The following FAM237A variants were observed in gnomAD, a reference collection of about 807,000 sequenced individuals.
The protein encoded by FAM237A is protein FAM237A.
FAM237A carries 14 observed loss-of-function variants against 12.5 expected under a neutral mutation model. That is an observed-to-expected ratio of 1.12 (90% confidence interval 0.74 to 1.75). The LOEUF is 1.75. Among genes scored for constraint, FAM237A ranks in the 40% most tolerant of loss-of-function variants. The pLI, the probability that FAM237A is intolerant of heterozygous loss-of-function variation, is 0.00. For synonymous variants in FAM237A, 85 were observed against 77.5 expected, an observed-to-expected ratio of 1.10 and a Z score of -0.51; for missense variants, 240 against 211.7, an observed-to-expected ratio of 1.13 and a Z score of -0.83.
At chr2:206,647,632 G>GACAGACAC (rs145061657) in intron 2 of FAM237A, among the ~76,000 whole-genome samples, 11 of 139,546 alleles carry the variant, frequency 7.9e-5, no homozygotes, top group Non-Finnish European at 1.5e-4. Flanking sequence ...GAGACACACA[G>GACAGACAC]ACACACACAC....
intron 1 of FAM237A, among the ~76,000 whole-genome samples, chr2:206,643,188 G>GT (rs1699275368): frequency 6.6e-6 from 1 of 152,158 alleles, no homozygotes; most frequent in East Asian, 1.9e-4. Flanking sequence ...CCCACAAGCT[G>GT]TATTTTGCTT....
In FAM237A at chr2:206,644,196, G is replaced by T. The variant is rs562181739; in HGVS notation, c.-10-31G>T. 10 of 1,531,200 alleles carry T rather than the reference G, an allele frequency of 6.5e-6. No individual in the cohort carries two copies. The East Asian group carries it at 2.0e-4, about 31-fold the overall frequency. 94.9% of individuals were successfully genotyped at this position (1,531,200 alleles called of 1,614,324 possible). A position where few individuals can be genotyped will look rare whatever the true frequency, so the allele number is the denominator to read the frequency against. On this transcript the variant is annotated intron_variant, in intron 1 of 2. Transcript: ENST00000441223. Reference sequence around the variant, plus strand: ...CTTTACTGAGCAGAGCACAAGCGGGGACTGATAAGAAATATTTCCATCCTG... The same window carrying T: ...CTTTACTGAGCAGAGCACAAGCGGGTACTGATAAGAAATATTTCCATCCTG...
rs886328581 is a variant in FAM237A at position 206,642,896 on chromosome 2, G to A, written c.-11+314G>A. On this transcript the variant is annotated intron_variant, in intron 1 of 2. Coordinates refer to ENST00000441223, the MANE Select transcript of FAM237A (RefSeq NM_001102659.3). The surrounding 1 kb of genome is among the most constrained non-coding windows in gnomAD (Gnocchi z 5.1). ...AACTTAGCTTAGACTTGTCCTTTAG[G>A]AAAACCACCCTTTGAGGTACCTCGA... is the stretch of plus-strand genomic sequence containing the variant. Among the ~76,000 whole-genome samples, 1 of 152,174 alleles carries A rather than the reference G, an allele frequency of 6.6e-6. No individual in the cohort carries two copies. The highest frequency in any genetic ancestry group is 1.5e-5 in the Non-Finnish European group (1 of 68,044).
intron 2 of FAM237A, among the ~76,000 whole-genome samples, chr2:206,645,733 C>T (rs1463527508): frequency 6.6e-6 from 1 of 152,072 alleles, no homozygotes; most frequent in African/African-American, 2.4e-5. Context: ...ATCCAAAAAA[C>T]CCAGATAATT....
In FAM237A at chr2:206,648,786, A is replaced by G; in HGVS notation, c.538A>G (p.Arg180Gly). ...TGGAAAAGTGAACCTGGAAATAAAGAGAAAATAAATTGAACTCGGAGCTAA... is the reference window on the plus strand; with the variant it reads ...TGGAAAAGTGAACCTGGAAATAAAGGGAAAATAAATTGAACTCGGAGCTAA... ...VIGKVNLEIKRK is the reference protein window; with the variant it reads ...VIGKVNLEIKGK Residue 180 changes from arginine to glycine, a missense_variant, in exon 3 of 3, where the codon AGA (arginine) becomes GGA (glycine). Physicochemically the swap from Arg to Gly is moderately radical, Grantham distance 125. Transcript: ENST00000441223. 6.5e-7 allele frequency: 1 copy of G among 1,534,552 alleles called. No homozygotes were observed. Among genetic ancestry groups the G allele is most frequent in the Non-Finnish European group, 8.8e-7 (1 of 1,139,484 alleles).
rs1699357354 is a variant in FAM237A at position 206,649,272 on chromosome 2, A to G, written c.*478A>G. Among the ~76,000 whole-genome samples the G allele has an allele frequency of 6.6e-6, 1 of 152,176 alleles. No homozygotes were observed. Among genetic ancestry groups the G allele is most frequent in the Non-Finnish European group, 1.5e-5 (1 of 67,996 alleles). Reference sequence around the variant, plus strand: ...ATCTTGTTTGACAGCATATTTTTGAATACTGAATGAAGCAAAAAGTAAAAC... The same window carrying G: ...ATCTTGTTTGACAGCATATTTTTGAGTACTGAATGAAGCAAAAAGTAAAAC... On this transcript the variant is annotated 3_prime_UTR_variant, in exon 3 of 3. Transcript: ENST00000441223.
intron 2 of FAM237A, among the ~76,000 whole-genome samples, chr2:206,645,695 A>G (rs1408781983): frequency 6.6e-6 from 1 of 152,200 alleles, no homozygotes; most frequent in East Asian, 1.9e-4. Flanking sequence ...TTTTAACCTT[A>G]GTAATTAAAA....
intron 2 of FAM237A, 55 bp downstream of exon 2, chr2:206,644,703 C>A: frequency 6.9e-7 from 1 of 1,455,688 alleles, no homozygotes; most frequent in South Asian, 1.5e-5. Flanking sequence ...TATGAATGTG[C>A]TGAATTGTGA....
At chr2:206,645,723 A>T (rs1699309203) in intron 2 of FAM237A, among the ~76,000 whole-genome samples, 6 of 152,186 alleles carry the variant, frequency 3.9e-5, no homozygotes, top group Admixed American at 3.9e-4. Flanking sequence ...TGATTTGCTA[A>T]TCCAAAAAAC....
At position 206,644,537 on chromosome 2, in the gene FAM237A, A is replaced by G. The variant is rs761904068; in HGVS notation, c.301A>G (p.Ile101Val). ...GGATCTGGCCCAACTCTTCTGGGACATCTATGTGGACTGTGTGCTCTCTAG... is the reference window on the plus strand; with the variant it reads ...GGATCTGGCCCAACTCTTCTGGGACGTCTATGTGGACTGTGTGCTCTCTAG... ...FWDLAQLFWD[I>V]YVDCVLSRNH... is the part of the protein sequence containing the mutation. The change falls in exon 2 of 3, where the codon ATC becomes GTC. Residue 101 changes from isoleucine (I) to valine (V), a missense_variant. Ile to Val is a conservative substitution (Grantham distance 29, BLOSUM62 3). Transcript: ENST00000441223. The G allele has an allele frequency of 5.6e-6, 9 of 1,614,046 alleles. No homozygotes were observed. The highest frequency in any genetic ancestry group is 5.5e-5 in the South Asian group (5 of 91,078).
rs542526479 is a variant in FAM237A, at chr2:206,649,101, T to G, written c.*307T>G. On this transcript the variant is annotated 3_prime_UTR_variant, in exon 3 of 3. Coordinates refer to ENST00000441223, the MANE Select transcript of FAM237A (RefSeq NM_001102659.3). The stretch of plus-strand genomic sequence containing the variant: ...ATTTAATAGTTCATTTTGGGATGCT[T>G]GACATGTTAATAAACTAGTGTGCCA... 1 of 162,480 alleles carries G rather than the reference T, an allele frequency of 6.2e-6. No individual in the cohort carries two copies. The highest frequency in any genetic ancestry group is 1.8e-4 in the East Asian group (1 of 5,644). The allele number at this position is 162,480 out of a possible 1,614,324, so 10.1% of individuals were successfully genotyped here. A position where few individuals can be genotyped will look rare whatever the true frequency, so the allele number is the denominator to read the frequency against.
In FAM237A at chr2:206,644,424, C is replaced by T. The variant is rs1188000052; in HGVS notation, c.188C>T (p.Pro63Leu). 2.5e-6 allele frequency: 4 copies of T among 1,613,720 alleles called. No homozygotes were observed. Among genetic ancestry groups the T allele is most frequent in the African/African-American group, 1.3e-5 (1 of 74,920 alleles). ...GTGCTTCTCCTGGAAATGTGGAAAC[C>T]TCGCGTTTCCAACACTGTTTCAGGC... Reference protein sequence around the residue: ...SSVLLLEMWKPRVSNTVSGFW... With the variant: ...SSVLLLEMWKLRVSNTVSGFW... Residue 63 changes from proline to leucine, a missense_variant, in exon 2 of 3, where the codon CCT (proline) becomes CTT (leucine). Coordinates refer to ENST00000441223, the MANE Select transcript of FAM237A (RefSeq NM_001102659.3).
chr2:206,643,169 A>G (rs1040279072), intron 1 of FAM237A, among the ~76,000 whole-genome samples: 1 of 152,174 alleles, frequency 6.6e-6, no homozygotes, highest in African/African-American at 2.4e-5. Context: ...ATTCCAATAT[A>G]AGAGTATTCC....
intron 1 of FAM237A, among the ~76,000 whole-genome samples, chr2:206,643,964 T>G (rs1028858671): frequency 6.6e-6 from 1 of 152,190 alleles, no homozygotes; most frequent in African/African-American, 2.4e-5. Flanking sequence ...GCAGATTAAT[T>G]TATTCATCTT....
intron 2 of FAM237A, among the ~76,000 whole-genome samples, chr2:206,645,276 T>C (rs1467415923): frequency 6.6e-6 from 1 of 152,206 alleles, no homozygotes; most frequent in East Asian, 1.9e-4. Context: ...AGTTGGAACT[T>C]GCTACAAATT....
intron 2 of FAM237A, among the ~76,000 whole-genome samples, chr2:206,647,666 C>CACACACACACACAG (rs1303308418): frequency 2.0e-5 from 3 of 148,260 alleles, no homozygotes; most frequent in African/African-American, 7.6e-5. Context: ...CACACACACA[C>CACACACACACACAG]AGAGAGAGTG....
chr2:206,648,612 C>T (rs963498699), intron 2 of FAM237A, 49 bp from the exon 3 acceptor site: 3 of 1,532,794 alleles, frequency 2.0e-6, no homozygotes, highest in African/African-American at 1.4e-5. Flanking sequence ...ATTTAATTAA[C>T]CTGAAACTAA....
chr2:206,646,084 C>G (rs952135869), intron 2 of FAM237A, among the ~76,000 whole-genome samples: 4 of 152,018 alleles, frequency 2.6e-5, no homozygotes, highest in African/African-American at 9.7e-5. Context: ...AGGCGGAACA[C>G]GAGGTGAGGA....
chr2:206,643,002 A>G (rs1699273466), intron 1 of FAM237A, among the ~76,000 whole-genome samples: 1 of 152,256 alleles, frequency 6.6e-6, no homozygotes, highest in Admixed American at 6.5e-5. Context: ...TAGAGGAAAT[A>G]GTTTTTGAAT....
Sources: allele counts gnomAD v4.1 joint callset (sites outside exome capture counted in the v4.1 genomes callset), GRCh38; gene constraint gnomAD v4.1.1; non-coding constraint Gnocchi (gnomAD v3.1); transcripts MANE v1.5; gene names NCBI Gene and HGNC (gene_info 2026-07-23, HGNC 2026-07-21).